The following MACROD2 variants were observed in gnomAD, a reference collection of about 807,000 sequenced individuals.
The protein encoded by MACROD2 is mono-ADP ribosylhydrolase 2, also known as ADP-ribose glycohydrolase MACROD2.
Under a neutral mutation model 70.4 loss-of-function variants are expected in MACROD2, and 36 were observed. That is an observed-to-expected ratio of 0.51 (90% CI 0.39 to 0.68). The LOEUF (loss-of-function observed/expected upper bound fraction) is 0.68. Among genes scored for constraint, MACROD2 ranks in the 30% least tolerant of loss-of-function variants. MACROD2 has a pLI of 0.00. For missense variants in MACROD2, 496 were observed against 538.4 expected (o/e 0.92, Z 0.78); for synonymous variants, 172 against 178.8 (o/e 0.96, Z 0.30).
chr20:15,629,123 G>A (rs2049250355), intron 8 of MACROD2, among the ~76,000 whole-genome samples: 1 of 152,104 alleles, frequency 6.6e-6, no homozygotes, highest in African/African-American at 2.4e-5. Context: ...GCATTTCTGT[G>A]GAGTTATATT....
At chr20:15,855,029 A>C (rs2064341346) in intron 8 of MACROD2, among the ~76,000 whole-genome samples, 1 of 152,190 alleles carries the variant, frequency 6.6e-6, no homozygotes, top group Non-Finnish European at 1.5e-5. Flanking sequence ...GCCCTCCATC[A>C]GTCCTCAGTT....
At chr20:14,312,140 G>C (rs1048225946) in intron 3 of MACROD2, among the ~76,000 whole-genome samples, 4 of 151,844 alleles carry the variant, frequency 2.6e-5, no homozygotes, top group African/African-American at 9.7e-5. Context: ...AACTGACTCA[G>C]GGATTCTTAG....
chr20:15,891,954 C>T (rs1391810056), intron 10 of MACROD2, among the ~76,000 whole-genome samples: 3 of 152,072 alleles, frequency 2.0e-5, no homozygotes, highest in Non-Finnish European at 4.4e-5. Flanking sequence ...GAGGTGGCTA[C>T]GGGAGCCAAG....
intron 3 of MACROD2, among the ~76,000 whole-genome samples, chr20:14,437,601 A>T (rs1700644842): frequency 6.6e-6 from 1 of 152,170 alleles, no homozygotes; most frequent in Non-Finnish European, 1.5e-5. Flanking sequence ...TCTCAAAAAA[A>T]AATTTTTTTC....
At chr20:14,865,269 C>A (rs887707079) in intron 5 of MACROD2, among the ~76,000 whole-genome samples, 1 of 152,088 alleles carries the variant, frequency 6.6e-6, no homozygotes, top group African/African-American at 2.4e-5. Context: ...AGAAGCCTAC[C>A]AAGGTTCCAG....
intron 8 of MACROD2, among the ~76,000 whole-genome samples, chr20:15,762,929 G>A (rs1327464897): frequency 6.6e-6 from 1 of 152,198 alleles, no homozygotes; most frequent in Non-Finnish European, 1.5e-5. Flanking sequence ...ATACCAAATG[G>A]AGTGGAAGTC....
chr20:14,085,537 C>G, intron 2 of MACROD2, 84 bp from the exon 3 acceptor site: 1 of 698,888 alleles, frequency 1.4e-6, no homozygotes, highest in Non-Finnish European at 2.2e-6. Context: ...CATATTGGGT[C>G]TTGTAGTAGT....
chr20:15,103,229 C>T (rs1360993507), intron 5 of MACROD2, among the ~76,000 whole-genome samples: 1 of 152,118 alleles, frequency 6.6e-6, no homozygotes, highest in African/African-American at 2.4e-5. Context: ...AAGTTTCTTC[C>T]TTCTTTCCAT....
chr20:14,317,983 T>C (rs1357003583), intron 3 of MACROD2, among the ~76,000 whole-genome samples: 1 of 152,184 alleles, frequency 6.6e-6, no homozygotes, highest in African/African-American at 2.4e-5. Context: ...GTCACTAATA[T>C]TTATAGAACA....
chr20:14,587,168 G>C (rs1244451581), intron 4 of MACROD2, among the ~76,000 whole-genome samples: 1 of 151,454 alleles, frequency 6.6e-6, no homozygotes, highest in Non-Finnish European at 1.5e-5. Context: ...GGTGATTACT[G>C]GTGTCTATTG....
At chr20:14,242,114 T>C (rs2081934634) in intron 3 of MACROD2, among the ~76,000 whole-genome samples, 1 of 152,166 alleles carries the variant, frequency 6.6e-6, no homozygotes, top group African/African-American at 2.4e-5. Flanking sequence ...ATGTTCTCTG[T>C]TCATTTGGGT....
At chr20:14,861,647 C>G (rs1365811584) in intron 5 of MACROD2, among the ~76,000 whole-genome samples, 2 of 151,652 alleles carry the variant, frequency 1.3e-5, no homozygotes, top group African/African-American at 4.8e-5. Context: ...ACAATAAACC[C>G]CACAAACAGC....
At chr20:15,442,570 C>T (rs114000938) in intron 7 of MACROD2, among the ~76,000 whole-genome samples, 7 of 152,212 alleles carry the variant, frequency 4.6e-5, no homozygotes, top group African/African-American at 1.7e-4. Flanking sequence ...AAGTAGCATT[C>T]ATCACTTCCA....
intron 5 of MACROD2, among the ~76,000 whole-genome samples, chr20:14,918,610 TTTTTTTG>T (rs909631175): frequency 1.7e-4 from 25 of 146,530 alleles, no homozygotes; most frequent in African/African-American, 6.8e-4. Context: ...GACACTGTGT[TTTTTTTG>T]TTTTTTTTTT....
intron 5 of MACROD2, among the ~76,000 whole-genome samples, chr20:15,122,230 C>T (rs555650218): frequency 7.9e-5 from 12 of 152,266 alleles, no homozygotes; most frequent in African/African-American, 2.2e-4. Flanking sequence ...TATTGGTTCA[C>T]GGACATTAGG....
At chr20:14,146,309 A>T (rs2054942308) in intron 3 of MACROD2, among the ~76,000 whole-genome samples, 1 of 151,752 alleles carries the variant, frequency 6.6e-6, no homozygotes, top group African/African-American at 2.4e-5. Context: ...ACAGAGCGAG[A>T]CCTCCGCCTC....
At chr20:14,093,385 C>T (rs1029411611) in intron 3 of MACROD2, among the ~76,000 whole-genome samples, 1 of 152,068 alleles carries the variant, frequency 6.6e-6, no homozygotes, top group Non-Finnish European at 1.5e-5. Context: ...CCTTGCCTGG[C>T]CTTTGTTTTG....
rs547853391 is a variant in MACROD2 at position 15,260,957 on chromosome 20, A to G, written c.540+30896A>G. Among the ~76,000 whole-genome samples, 134 of 152,146 alleles carry G rather than the reference A, an allele frequency of 8.8e-4. 1 individual carries two copies. The highest frequency in any genetic ancestry group is 1.5e-3 in the Non-Finnish European group (104 of 67,908). On this transcript the variant is annotated intron_variant, in intron 6 of 17. Coordinates refer to ENST00000684519, the MANE Select transcript of MACROD2 (RefSeq NM_001351661.2). ...GGGCTTTGCCAGTAGGTAATAAACT[A>G]TGGGCCATGAGGTTATTCAATCTTG...
intron 8 of MACROD2, among the ~76,000 whole-genome samples, chr20:15,648,519 C>G (rs183634579): frequency 1.3e-5 from 2 of 152,262 alleles, no homozygotes; most frequent in East Asian, 3.9e-4. Context: ...TCCTATCAAC[C>G]TTAGTGAGCT....
Sources: gnomAD v4.1 joint callset for allele counts (sites outside exome capture counted in the v4.1 genomes callset) on GRCh38, gnomAD v4.1.1 for gene constraint, MANE v1.5 for transcripts, NCBI Gene and HGNC (gene_info 2026-07-23, HGNC 2026-07-21) for gene names.